The following CTDSPL2 variants were observed in gnomAD, a reference collection of about 807,000 sequenced individuals.
CTDSPL2 encodes the protein CTD small phosphatase like 2.
A neutral mutation model predicts 60.0 loss-of-function variants in CTDSPL2; 5 were observed. The ratio of observed to expected loss-of-function variants is 0.08; its 90% CI spans 0.04 to 0.18. The LOEUF (loss-of-function observed/expected upper bound fraction) is 0.18. Ranked by LOEUF, CTDSPL2 falls within the 10% of genes least tolerant of loss-of-function variation. CTDSPL2 has a pLI of 1.00. For missense variants in CTDSPL2, 370 were observed against 548.8 expected, an observed-to-expected ratio of 0.67 and a Z score of 3.26; for synonymous variants, 186 against 189.3, an observed-to-expected ratio of 0.98 and a Z score of 0.14.
chr15:44,488,578 C>T (rs958585755), intron 4 of CTDSPL2, among the ~76,000 whole-genome samples: 2 of 152,028 alleles, frequency 1.3e-5, no homozygotes, highest in Non-Finnish European at 2.9e-5. Context: ...TTTGGGAGGC[C>T]GAGATGGGCG....
At chr15:44,488,887 AATCTCTGAAGGTGTGTAT>A (rs1240574012) in intron 4 of CTDSPL2, among the ~76,000 whole-genome samples, 1 of 152,200 alleles carries the variant, frequency 6.6e-6, no homozygotes, top group Non-Finnish European at 1.5e-5. Flanking sequence ...TGAAGTAAAG[AATCTCTGAAGGTGTGTAT>A]ATCTCTGAAG....
chr15:44,484,426 TTATC>T, intron 3 of CTDSPL2, 64 bp downstream of exon 3: 2 of 1,463,666 alleles, frequency 1.4e-6, no homozygotes. Context: ...GACACATTTC[TTATC>T]TATTTTTAAA....
At chr15:44,467,511 G>C (rs2080719664) in intron 2 of CTDSPL2, among the ~76,000 whole-genome samples, 1 of 151,960 alleles carries the variant, frequency 6.6e-6, no homozygotes, top group Non-Finnish European at 1.5e-5. Context: ...TTTTTATTTT[G>C]TTGTTGAGTT....
intron 2 of CTDSPL2, among the ~76,000 whole-genome samples, chr15:44,467,636 C>T (rs1457900631): frequency 5.3e-5 from 8 of 152,014 alleles, no homozygotes; most frequent in Admixed American, 2.0e-4. Context: ...TACAGTGGTG[C>T]GATCTCAGCT....
intron 1 of CTDSPL2, among the ~76,000 whole-genome samples, chr15:44,434,010 A>G (rs1480559468): frequency 2.0e-5 from 3 of 151,924 alleles, no homozygotes; most frequent in Non-Finnish European, 4.4e-5. Flanking sequence ...TCAGTAATCT[A>G]ACAACCCATA....
At chr15:44,433,565 C>G (rs1346804641) in intron 1 of CTDSPL2, among the ~76,000 whole-genome samples, 1 of 151,968 alleles carries the variant, frequency 6.6e-6, no homozygotes, top group Non-Finnish European at 1.5e-5. Context: ...TCACTGCAAC[C>G]TCCGCCTCCC....
chr15:44,524,053 A>C, intron 12 of CTDSPL2, 56 bp from the exon 13 acceptor site: 6 of 1,315,058 alleles, frequency 4.6e-6, no homozygotes, highest in Non-Finnish European at 6.6e-6. Context: ...GTATGTTATG[A>C]GGATCATATC....
chr15:44,484,270 T>A lies in CTDSPL2; in HGVS notation c.233T>A (p.Ile78Lys). 2 of 1,611,606 alleles carry A rather than the reference T, an allele frequency of 1.2e-6. No individual in the cohort carries two copies. The highest frequency in any genetic ancestry group is 8.5e-7 in the Non-Finnish European group (1 of 1,177,954). ...PSKRSRIERD[I>K]DNNLITSTPR... is the part of the protein sequence containing the mutation. ...AAACGGAGTAGAATTGAACGTGATA[T>A]AGATAACAATTTGATCACGTCAACA... Residue 78 changes from isoleucine to lysine, a missense_variant, in exon 3 of 13, where the codon ATA becomes AAA. Coordinates refer to ENST00000260327, the MANE Select transcript of CTDSPL2 (RefSeq NM_016396.3).
intron 2 of CTDSPL2, 62 bp from the exon 3 acceptor site, chr15:44,484,162 A>T: frequency 1.4e-6 from 2 of 1,431,332 alleles, no homozygotes; most frequent in Admixed American, 2.2e-5. Context: ...TCATTTTAAT[A>T]TTGTAACCTG....
intron 1 of CTDSPL2, among the ~76,000 whole-genome samples, chr15:44,455,060 C>T (rs2080406476): frequency 6.6e-6 from 1 of 152,194 alleles, no homozygotes; most frequent in Admixed American, 6.5e-5. Context: ...TACCCATGAG[C>T]ATGGAGTGTT....
chr15:44,486,629 C>A lies in CTDSPL2; in HGVS notation c.404C>A (p.Pro135His), dbSNP rs1379919748. 1.3e-6 allele frequency: 2 copies of A among 1,594,136 alleles called. No individual in the cohort carries two copies. Among genetic ancestry groups the A allele is most frequent in the South Asian group, 2.4e-5 (2 of 85,068 alleles). The stretch of plus-strand genomic sequence containing the variant: ...GAAGATAATCCTTCCTCTGGCAGTC[C>A]TCCAAGGACTACTTTGTTGGGGACC... ...KLEDNPSSGSPPRTTLLGTIF... is the reference protein window; with the variant it reads ...KLEDNPSSGSHPRTTLLGTIF... Residue 135 changes from proline to histidine, a missense_variant, in exon 4 of 13, where the codon CCT (proline) becomes CAT (histidine). Coordinates refer to ENST00000260327, the MANE Select transcript of CTDSPL2 (RefSeq NM_016396.3).
rs2081860364 is a variant in CTDSPL2, at chr15:44,525,654, A to G, written c.*1480A>G. ...GTATGTCAATTAATTTTTTATGTATATTACCTGTTTACTTGTACAACTTAC... is the reference window on the plus strand; with the variant it reads ...GTATGTCAATTAATTTTTTATGTATGTTACCTGTTTACTTGTACAACTTAC... On this transcript the variant is annotated 3_prime_UTR_variant, in exon 13 of 13. Coordinates refer to ENST00000260327, the MANE Select transcript of CTDSPL2 (RefSeq NM_016396.3). 2.5e-6 allele frequency: 1 copy of G among 395,090 alleles called. No homozygotes were observed. 24.5% of individuals were successfully genotyped at this position (395,090 alleles called of 1,614,324 possible).
In CTDSPL2 at chr15:44,506,542, A is replaced by G. The variant is rs1165800178; in HGVS notation, c.969+6729A>G. On this transcript the variant is annotated intron_variant, in intron 8 of 12. Transcript: ENST00000260327. ...AACCGTCTTCTCACCTCAGCCTCCCAAACAGTAGCTGGGACTACAGGAATG... is the reference window on the plus strand; with the variant it reads ...AACCGTCTTCTCACCTCAGCCTCCCGAACAGTAGCTGGGACTACAGGAATG... Among the ~76,000 whole-genome samples the G allele has an allele frequency of 8.1e-5, 12 of 148,592 alleles. No homozygotes were observed. The East Asian group carries it at 2.4e-3, about 30-fold the overall frequency.
chr15:44,498,835 G>A (rs937730781), intron 7 of CTDSPL2, among the ~76,000 whole-genome samples: 27 of 152,086 alleles, frequency 1.8e-4, no homozygotes, highest in Non-Finnish European at 2.2e-4. Flanking sequence ...GGAAGTGGAG[G>A]TTGCAGTGAA....
intron 5 of CTDSPL2, among the ~76,000 whole-genome samples, chr15:44,495,563 A>G (rs1433598801): frequency 6.6e-6 from 1 of 151,570 alleles, no homozygotes; most frequent in East Asian, 1.9e-4. Flanking sequence ...AAAAAAAAAA[A>G]GAGATCATAG....
chr15:44,497,989 T>A (rs2081329802), intron 7 of CTDSPL2, among the ~76,000 whole-genome samples: 1 of 151,022 alleles, frequency 6.6e-6, no homozygotes. Flanking sequence ...AGGGCAAGAT[T>A]CTGTCTCAGA....
intron 2 of CTDSPL2, among the ~76,000 whole-genome samples, chr15:44,459,804 T>A (rs544032126): frequency 1.6e-4 from 25 of 152,368 alleles, no homozygotes; most frequent in Admixed American, 3.9e-4. Context: ...AAAAAGTTTC[T>A]TGTTAATATT....
chr15:44,471,539 C>T (rs994615312), intron 2 of CTDSPL2, among the ~76,000 whole-genome samples: 1 of 152,142 alleles, frequency 6.6e-6, no homozygotes, highest in African/African-American at 2.4e-5. Context: ...TCTGTCACCT[C>T]CCAGAGTTTA....
chr15:44,449,494 A>C (rs1216669795), intron 1 of CTDSPL2: 2 of 152,376 alleles, frequency 1.3e-5, no homozygotes, highest in African/African-American at 4.8e-5. Flanking sequence ...ATGCCTGGCT[A>C]ATTTTTTTGT....
Sources: allele counts gnomAD v4.1 joint callset (sites outside exome capture counted in the v4.1 genomes callset), GRCh38; gene constraint gnomAD v4.1.1; transcripts MANE v1.5; gene names NCBI Gene and HGNC (gene_info 2026-07-23, HGNC 2026-07-21).